The following PRICKLE2 variants were observed in gnomAD, a reference collection of about 807,000 sequenced individuals.
PRICKLE2 encodes the protein prickle-like protein 2.
PRICKLE2 carries 21 observed loss-of-function variants against 81.4 expected under a neutral mutation model. That is an observed-to-expected ratio of 0.26 (90% confidence interval 0.18 to 0.37). The LOEUF (loss-of-function observed/expected upper bound fraction) is 0.37. Ranked by LOEUF, PRICKLE2 falls within the 10% of genes least tolerant of loss-of-function variation. PRICKLE2 has a pLI of 1.00. For synonymous variants in PRICKLE2, 456 were observed against 421.5 expected (o/e 1.08, Z -1.00); for missense variants, 940 against 1,109.0 (o/e 0.85, Z 2.16).
At chr3:64,203,144 T>C (rs914261445) in intron 1 of PRICKLE2, among the ~76,000 whole-genome samples, 3 of 152,216 alleles carry the variant, frequency 2.0e-5, no homozygotes, top group Non-Finnish European at 4.4e-5. Flanking sequence ...TCCCCCACTT[T>C]CTGCTTCTCA....
At chr3:64,110,381 G>A (rs72874621) in intron 7 of PRICKLE2, among the ~76,000 whole-genome samples, 3,834 of 152,248 alleles carry the variant, frequency 0.025, 163 homozygotes, top group African/African-American at 0.086. Context: ...AAAGATCTTT[G>A]ACAAAGCCCT....
chr3:64,215,264 T>C (rs908093900), intron 1 of PRICKLE2, among the ~76,000 whole-genome samples: 4 of 152,182 alleles, frequency 2.6e-5, no homozygotes, highest in African/African-American at 9.7e-5. Context: ...TATTTGTCCT[T>C]TGAATTTGCC....
At chr3:64,113,477 C>T (rs2076883505) in intron 7 of PRICKLE2, among the ~76,000 whole-genome samples, 1 of 152,174 alleles carries the variant, frequency 6.6e-6, no homozygotes, top group Non-Finnish European at 1.5e-5. Flanking sequence ...CCTTGCCTGA[C>T]TGGTGGAGAA....
chr3:64,115,138 A>G (rs761010662), intron 7 of PRICKLE2, among the ~76,000 whole-genome samples: 1 of 152,210 alleles, frequency 6.6e-6, no homozygotes, highest in Non-Finnish European at 1.5e-5. Context: ...TCCTTTTCAG[A>G]CAAGCAAATG....
At chr3:64,202,733 T>A (rs559195098) in intron 1 of PRICKLE2, among the ~76,000 whole-genome samples, 29 of 152,054 alleles carry the variant, frequency 1.9e-4, no homozygotes, top group African/African-American at 7.0e-4. Context: ...GTTTTACTTT[T>A]TCCTTTTTAA....
intron 2 of PRICKLE2, among the ~76,000 whole-genome samples, chr3:64,183,992 A>G (rs1313717464): frequency 6.6e-6 from 1 of 152,132 alleles, no homozygotes; most frequent in African/African-American, 2.4e-5. Context: ...GTTCTCTGAG[A>G]CTGTTTTCTT....
At chr3:64,220,765 G>T (rs79730943) in intron 1 of PRICKLE2, among the ~76,000 whole-genome samples, 3,729 of 152,176 alleles carry the variant, frequency 0.025, 166 homozygotes, top group African/African-American at 0.085. Flanking sequence ...CCCCTGGAGT[G>T]TTAGGTTTCA....
intron 2 of PRICKLE2, among the ~76,000 whole-genome samples, chr3:64,177,382 C>T (rs1398306479): frequency 6.6e-6 from 1 of 152,014 alleles, no homozygotes; most frequent in Admixed American, 6.6e-5. Context: ...ATCCACTTGC[C>T]TCAGCCTCCC....
chr3:64,211,364 A>G (rs1265172391), intron 1 of PRICKLE2, among the ~76,000 whole-genome samples: 1 of 152,252 alleles, frequency 6.6e-6, no homozygotes, highest in Non-Finnish European at 1.5e-5. Flanking sequence ...TTTCTATCTG[A>G]CACAATGATA....
intron 7 of PRICKLE2, among the ~76,000 whole-genome samples, chr3:64,115,572 T>G (rs553116187): frequency 6.6e-6 from 1 of 152,254 alleles, no homozygotes; most frequent in African/African-American, 2.4e-5. Flanking sequence ...AAACAGAGTT[T>G]AAGCCAACAA....
intron 6 of PRICKLE2, among the ~76,000 whole-genome samples, chr3:64,152,207 G>T (rs2077558874): frequency 6.6e-6 from 1 of 152,166 alleles, no homozygotes; most frequent in African/African-American, 2.4e-5. Flanking sequence ...GATTATCTCT[G>T]TATCTCCTCA....
chr3:64,141,404 T>C (rs2077359653), intron 7 of PRICKLE2, among the ~76,000 whole-genome samples: 1 of 152,214 alleles, frequency 6.6e-6, no homozygotes, highest in Non-Finnish European at 1.5e-5. Context: ...TGAGTGAGTT[T>C]AGTTTATGGA....
chr3:64,186,936 G>T (rs1029994624), intron 2 of PRICKLE2, among the ~76,000 whole-genome samples: 10 of 152,190 alleles, frequency 6.6e-5, no homozygotes, highest in African/African-American at 2.4e-4. Flanking sequence ...GTGAATTTAT[G>T]CAGGAAGTCT....
intron 7 of PRICKLE2, among the ~76,000 whole-genome samples, chr3:64,115,465 G>A (rs2076919505): frequency 1.3e-5 from 2 of 152,024 alleles, no homozygotes. Flanking sequence ...CATCTCCCAT[G>A]CAGACACACA....
At chr3:64,250,656 A>T (rs1043532313) in intron 2 of PRICKLE2, among the ~76,000 whole-genome samples, 17 of 152,224 alleles carry the variant, frequency 1.1e-4, no homozygotes, top group African/African-American at 3.9e-4. Flanking sequence ...AGTTTGGTTT[A>T]TACTGGTTTG....
At chr3:64,193,497 T>C (rs1047703953) in intron 2 of PRICKLE2, among the ~76,000 whole-genome samples, 4 of 152,212 alleles carry the variant, frequency 2.6e-5, no homozygotes, top group Admixed American at 2.6e-4. Flanking sequence ...AATATACTGA[T>C]GCAGAAAAAT....
chr3:64,199,089 G>C (rs2078518951), intron 1 of PRICKLE2, 122 bp from the exon 2 acceptor site: 1 of 855,448 alleles, frequency 1.2e-6, no homozygotes, highest in African/African-American at 1.7e-5. Flanking sequence ...ATGGGCATCG[G>C]GCAAAGGCAT....
At chr3:64,250,920 C>T (rs913599876) in intron 2 of PRICKLE2, among the ~76,000 whole-genome samples, 2 of 152,168 alleles carry the variant, frequency 1.3e-5, no homozygotes, top group Non-Finnish European at 2.9e-5. Flanking sequence ...CTCAATGTGG[C>T]CTTTCCTGAC....
intron 2 of PRICKLE2, among the ~76,000 whole-genome samples, chr3:64,181,025 A>G (rs2078122318): frequency 6.6e-6 from 1 of 152,208 alleles, no homozygotes; most frequent in Non-Finnish European, 1.5e-5. Context: ...GGCCCCAGCA[A>G]TCAGAATCTA....
Sources: allele counts gnomAD v4.1 joint callset (sites outside exome capture counted in the v4.1 genomes callset), GRCh38; gene constraint gnomAD v4.1.1; transcripts MANE v1.5; gene names NCBI Gene and HGNC (gene_info 2026-07-23, HGNC 2026-07-21).